The following STAU2 variants were observed in gnomAD, a reference collection of about 807,000 sequenced individuals.
STAU2 encodes the protein double-stranded RNA-binding protein Staufen homolog 2.
Under a neutral mutation model 65.9 loss-of-function variants are expected in STAU2, and 20 were observed. The ratio of observed to expected loss-of-function variants is 0.30; its 90% confidence interval spans 0.21 to 0.44. The LOEUF (loss-of-function observed/expected upper bound fraction) is 0.44, where lower values mean the gene tolerates loss of function less well. STAU2 is among the 20% of genes least tolerant of loss of function. STAU2 has a pLI of 1.00. For missense variants in STAU2, 558 were observed against 683.9 expected (o/e 0.82, Z 2.05); for synonymous variants, 232 against 233.9 (o/e 0.99, Z 0.07).
intron 3 of STAU2, among the ~76,000 whole-genome samples, chr8:73,723,700 G>A (rs971271879): frequency 6.6e-6 from 1 of 152,046 alleles, no homozygotes; most frequent in Non-Finnish European, 1.5e-5. Context: ...TTTCATCACT[G>A]TAAGTCTGAT....
chr8:73,530,459 G>A (rs1805739868), intron 13 of STAU2, among the ~76,000 whole-genome samples: 1 of 152,196 alleles, frequency 6.6e-6, no homozygotes, highest in African/African-American at 2.4e-5. Flanking sequence ...GAATCATCTG[G>A]ATTGTCAGCC....
At chr8:73,738,414 A>C (rs1806596903) in intron 2 of STAU2, 65 bp from the exon 3 acceptor site, 3 of 1,083,686 alleles carry the variant, frequency 2.8e-6, no homozygotes, top group South Asian at 2.8e-5. Context: ...TGGTATTTTA[A>C]ACACATGCCC....
At chr8:73,602,224 G>A (rs1024381515) in intron 10 of STAU2, among the ~76,000 whole-genome samples, 3 of 152,166 alleles carry the variant, frequency 2.0e-5, no homozygotes, top group African/African-American at 7.2e-5. Context: ...GAAACATGGA[G>A]ATTATAAATT....
At chr8:73,515,773 C>CTTTTTTT (rs75132374) in intron 13 of STAU2, among the ~76,000 whole-genome samples, 2 of 90,936 alleles carry the variant, frequency 2.2e-5, no homozygotes, top group Non-Finnish European at 4.1e-5. Context: ...AAAAATTTCT[C>CTTTTTTT]TTTTTTTTTT....
chr8:73,592,349 G>A (rs1264573966), intron 11 of STAU2, among the ~76,000 whole-genome samples: 2 of 151,868 alleles, frequency 1.3e-5, no homozygotes, highest in Non-Finnish European at 2.9e-5. Context: ...AAAGAAAAAG[G>A]GAATGTTATA....
At chr8:73,666,039 T>C (rs1022901913) in intron 6 of STAU2, among the ~76,000 whole-genome samples, 2 of 152,148 alleles carry the variant, frequency 1.3e-5, no homozygotes, top group African/African-American at 2.4e-5. Context: ...TTTTCCTGAA[T>C]ATTTTCAATC....
At chr8:73,555,640 A>G (rs1002019030) in intron 12 of STAU2, among the ~76,000 whole-genome samples, 1 of 150,506 alleles carries the variant, frequency 6.6e-6, no homozygotes, top group Admixed American at 6.7e-5. Flanking sequence ...ATACAATATA[A>G]TAACTATTTA....
intron 13 of STAU2, among the ~76,000 whole-genome samples, chr8:73,438,612 A>G (rs1338527796): frequency 1.3e-5 from 2 of 152,206 alleles, no homozygotes; most frequent in Non-Finnish European, 2.9e-5. Context: ...CAGGGAGTGG[A>G]AGCTGCAGGC....
At chr8:73,731,491 T>G (rs1806066621) in intron 3 of STAU2, among the ~76,000 whole-genome samples, 1 of 152,214 alleles carries the variant, frequency 6.6e-6, no homozygotes, top group South Asian at 2.1e-4. Context: ...TTACCTTCAC[T>G]TGTTCCTATT....
At chr8:73,741,766 G>A (rs1223549207) in intron 1 of STAU2, among the ~76,000 whole-genome samples, 1 of 152,160 alleles carries the variant, frequency 6.6e-6, no homozygotes, top group Non-Finnish European at 1.5e-5. Flanking sequence ...ATCTGCCTCG[G>A]CCTCCCAAAG....
intron 4 of STAU2, among the ~76,000 whole-genome samples, chr8:73,702,134 A>C (rs1408159606): frequency 1.3e-5 from 2 of 152,166 alleles, no homozygotes; most frequent in Non-Finnish European, 2.9e-5. Context: ...TACCAAAAAA[A>C]AATTAGTTAG....
At chr8:73,575,437 T>A (rs1809469350) in intron 12 of STAU2, among the ~76,000 whole-genome samples, 1 of 152,092 alleles carries the variant, frequency 6.6e-6, no homozygotes. Context: ...GCAACATCCA[T>A]CAAAATTAAA....
intron 13 of STAU2, among the ~76,000 whole-genome samples, chr8:73,542,995 C>T (rs748295569): frequency 2.0e-5 from 3 of 152,148 alleles, no homozygotes; most frequent in Non-Finnish European, 4.4e-5. Flanking sequence ...TCATAAACAG[C>T]TTTATTTATA....
At chr8:73,488,014 T>C (rs1821001594) in intron 13 of STAU2, among the ~76,000 whole-genome samples, 1 of 152,086 alleles carries the variant, frequency 6.6e-6, no homozygotes, top group South Asian at 2.1e-4. Context: ...GTGGCTCAAA[T>C]ATTTAAGCTA....
At chr8:73,605,327 T>G (rs911148418) in intron 9 of STAU2, among the ~76,000 whole-genome samples, 4 of 148,972 alleles carry the variant, frequency 2.7e-5, no homozygotes, top group African/African-American at 9.9e-5. Context: ...TTTTTTTTTT[T>G]TGGCAGAGTC....
intron 12 of STAU2, among the ~76,000 whole-genome samples, chr8:73,582,297 G>C (rs963989858): frequency 1.3e-5 from 2 of 151,954 alleles, no homozygotes; most frequent in Non-Finnish European, 2.9e-5. Context: ...CTTAGGCAAT[G>C]TTAAGTGAAA....
At chr8:73,564,686 T>C (rs1046097245) in intron 12 of STAU2, among the ~76,000 whole-genome samples, 2 of 152,060 alleles carry the variant, frequency 1.3e-5, no homozygotes, top group Non-Finnish European at 2.9e-5. Context: ...AAAGAAAATA[T>C]ACTCAGTGGG....
In STAU2 at chr8:73,739,889, G is replaced by T. The variant is rs186049837; in HGVS notation, c.-196-21C>A. On this transcript the variant is annotated intron_variant, in intron 1 of 14. Transcript: ENST00000524300. ...AGCCTCTAACAAATAGAATATAGCA[G>T]AAATAATGAGATACCACTTCCAAGA... 424 of 819,796 alleles carry T rather than the reference G, an allele frequency of 5.2e-4. 3 individuals carry two copies. The highest frequency in any genetic ancestry group is 3.9e-3 in the African/African-American group (232 of 58,892). 50.8% of individuals were successfully genotyped at this position (819,796 alleles called of 1,614,324 possible). A position where few individuals can be genotyped will look rare whatever the true frequency, so the allele number is the denominator to read the frequency against.
intron 4 of STAU2, among the ~76,000 whole-genome samples, chr8:73,689,501 C>G (rs906828044): frequency 1.3e-5 from 2 of 152,144 alleles, no homozygotes; most frequent in African/African-American, 4.8e-5. Flanking sequence ...TAAAACCCTT[C>G]AACTGTTCCT....
Sources: allele counts gnomAD v4.1 joint callset (sites outside exome capture counted in the v4.1 genomes callset), GRCh38; gene constraint gnomAD v4.1.1; transcripts MANE v1.5; gene names NCBI Gene and HGNC (gene_info 2026-07-23, HGNC 2026-07-21).